Variants in RAB30 observed in about 807,000 individuals in gnomAD.
The protein encoded by RAB30 is ras-related protein Rab-30.
A neutral mutation model predicts 25.1 loss-of-function variants in RAB30; 9 were observed. The observed-to-expected ratio is 0.36, with a 90% CI of 0.22 to 0.63. The LOEUF (loss-of-function observed/expected upper bound fraction) is 0.63, where lower values mean the gene tolerates loss of function less well. Among genes scored for constraint, RAB30 ranks in the 20% least tolerant of loss-of-function variants. The probability of loss-of-function intolerance (pLI) is 0.69; values close to 1 mark genes in which losing one functional copy is unlikely to be tolerated. For synonymous variants in RAB30, 77 were observed against 86.4 expected, an observed-to-expected ratio of 0.89 and a Z score of 0.60; for missense variants, 140 against 243.5, an observed-to-expected ratio of 0.58 and a Z score of 2.83.
intron 1 of RAB30, among the ~76,000 whole-genome samples, chr11:83,053,117 G>A (rs1858389776): frequency 6.6e-6 from 1 of 152,140 alleles, no homozygotes; most frequent in Non-Finnish European, 1.5e-5. Flanking sequence ...AGGCGTCTAT[G>A]CCCTGCACCC....
intron 3 of RAB30, 135 bp from the exon 4 acceptor site, chr11:82,987,905 TAAA>T (rs35726383): frequency 2.3e-4 from 8 of 35,404 alleles, no homozygotes; most frequent in Middle Eastern, 0.021. Context: ...TTTTCTGCCC[TAAA>T]AAAAAAAAAA....
intron 1 of RAB30, among the ~76,000 whole-genome samples, chr11:83,037,925 G>T (rs1233474141): frequency 1.3e-5 from 2 of 152,146 alleles, no homozygotes; most frequent in Admixed American, 6.5e-5. Flanking sequence ...GGACCAACGT[G>T]CGGAAGACAG....
At chr11:83,061,649 G>C (rs1858580860) in intron 1 of RAB30, among the ~76,000 whole-genome samples, 1 of 151,288 alleles carries the variant, frequency 6.6e-6, no homozygotes, top group African/African-American at 2.4e-5. Flanking sequence ...CAGATAAAAG[G>C]TACATGGAAT....
intron 1 of RAB30, among the ~76,000 whole-genome samples, chr11:83,049,465 G>C (rs1858308310): frequency 7.1e-6 from 1 of 140,506 alleles, no homozygotes. Context: ...GCAGAGGCGG[G>C]GGGTGCAGGG....
At chr11:83,042,427 C>T (rs867015898) in intron 1 of RAB30, among the ~76,000 whole-genome samples, 2 of 151,714 alleles carry the variant, frequency 1.3e-5, no homozygotes, top group Non-Finnish European at 1.5e-5. Context: ...TGTGGCGGCA[C>T]ACACCTGTAA....
At chr11:83,031,384 T>C (rs975631532) in intron 1 of RAB30, among the ~76,000 whole-genome samples, 1 of 152,244 alleles carries the variant, frequency 6.6e-6, no homozygotes. Flanking sequence ...AATTTCTCTG[T>C]TTGTTTCCTT....
chr11:83,055,577 T>A (rs763208089), intron 1 of RAB30, among the ~76,000 whole-genome samples: 2 of 152,256 alleles, frequency 1.3e-5, no homozygotes, highest in Non-Finnish European at 2.9e-5. Context: ...GTCTCACTGA[T>A]CACTTTCTAC....
chr11:83,047,386 T>C (rs1368249717), intron 1 of RAB30, among the ~76,000 whole-genome samples: 1 of 152,194 alleles, frequency 6.6e-6, no homozygotes, highest in African/African-American at 2.4e-5. Context: ...ACACAGATCA[T>C]CTAAACTGAT....
intron 1 of RAB30, among the ~76,000 whole-genome samples, chr11:83,040,523 G>A (rs547236215): frequency 9.9e-5 from 15 of 151,604 alleles, no homozygotes; most frequent in South Asian, 2.1e-4. Flanking sequence ...CCTGGGAGGC[G>A]GAGGTTGCAG....
chr11:83,054,750 C>T (rs956900411), intron 1 of RAB30, among the ~76,000 whole-genome samples: 1 of 151,876 alleles, frequency 6.6e-6, no homozygotes, highest in African/African-American at 2.4e-5. Context: ...ACCTGTAGCC[C>T]CAGCTACTCA....
At chr11:83,046,078 T>C (rs1179943766) in intron 1 of RAB30, among the ~76,000 whole-genome samples, 1 of 152,238 alleles carries the variant, frequency 6.6e-6, no homozygotes, top group Non-Finnish European at 1.5e-5. Flanking sequence ...TCTTCAGTAG[T>C]TGTCTGAATC....
At chr11:82,991,086 G>A (rs1328141811) in intron 3 of RAB30, among the ~76,000 whole-genome samples, 5 of 152,146 alleles carry the variant, frequency 3.3e-5, no homozygotes, top group Non-Finnish European at 7.3e-5. Flanking sequence ...AGCGGGTGAT[G>A]CCATACGAAT....
chr11:82,989,418 C>A (rs779627134), intron 3 of RAB30, among the ~76,000 whole-genome samples: 12 of 152,236 alleles, frequency 7.9e-5, no homozygotes, highest in South Asian at 2.1e-4. Context: ...CTTTGATCTG[C>A]AGTTGCAGCT....
intron 1 of RAB30, among the ~76,000 whole-genome samples, chr11:83,059,912 G>A (rs1310111949): frequency 2.6e-5 from 4 of 152,052 alleles, no homozygotes; most frequent in African/African-American, 7.2e-5. Flanking sequence ...ACAAAAAAGC[G>A]GGGGCGGGGT....
chr11:83,053,790 T>A (rs984225275), intron 1 of RAB30, among the ~76,000 whole-genome samples: 1 of 152,208 alleles, frequency 6.6e-6, no homozygotes, highest in Non-Finnish European at 1.5e-5. Flanking sequence ...AAAGTTTTAA[T>A]GACTTTAATA....
chr11:83,036,091 T>C (rs1352634874), intron 1 of RAB30, among the ~76,000 whole-genome samples: 1 of 151,832 alleles, frequency 6.6e-6, no homozygotes, highest in Non-Finnish European at 1.5e-5. Context: ...ATTATACAGA[T>C]GAGGCAACTA....
At chr11:82,998,446 G>C (rs1392532058) in intron 1 of RAB30, among the ~76,000 whole-genome samples, 1 of 151,622 alleles carries the variant, frequency 6.6e-6, no homozygotes, top group Non-Finnish European at 1.5e-5. Flanking sequence ...TACTCAGGAG[G>C]CTGAGGCACA....
At chr11:83,016,601 GC>G (rs1857443943) in intron 1 of RAB30, among the ~76,000 whole-genome samples, 1 of 152,124 alleles carries the variant, frequency 6.6e-6, no homozygotes, top group African/African-American at 2.4e-5. Context: ...TTAAAAATGT[GC>G]CCAAGGCTAA....
intron 1 of RAB30, among the ~76,000 whole-genome samples, chr11:83,013,799 C>A (rs534747147): frequency 6.6e-6 from 1 of 152,302 alleles, no homozygotes; most frequent in South Asian, 2.1e-4. Flanking sequence ...GAGAACTAAC[C>A]TTTATTGCAT....
Sources: gnomAD v4.1 joint callset for allele counts (sites outside exome capture counted in the v4.1 genomes callset) on GRCh38, gnomAD v4.1.1 for gene constraint, MANE v1.5 for transcripts, NCBI Gene and HGNC (gene_info 2026-07-23, HGNC 2026-07-21) for gene names.